ZAN: variants seen among roughly 807,000 people sequenced by gnomAD.
ZAN encodes zonadhesin.
ZAN carries 260 observed loss-of-function variants against 286.2 expected under a neutral mutation model. That is an observed-to-expected ratio of 0.91 (90% confidence interval 0.82 to 1.01). ZAN has a LOEUF of 1.01. Ranked by LOEUF, ZAN falls within the 50% of genes least tolerant of loss-of-function variation. The probability of loss-of-function intolerance (pLI) is 0.00; values close to 1 mark genes in which losing one functional copy is unlikely to be tolerated. For synonymous variants in ZAN, 1,368 were observed against 1,417.5 expected (o/e 0.97, Z 0.79); for missense variants, 3,410 against 3,639.2 (o/e 0.94, Z 1.62).
At chr7:100,783,330 C>G (rs1460395218) in intron 35 of ZAN, among the ~76,000 whole-genome samples, 1 of 152,022 alleles carries the variant, frequency 6.6e-6, no homozygotes, top group Admixed American at 6.6e-5. Flanking sequence ...GAGGGCCATT[C>G]ACTACTGATG....
intron 15 of ZAN, among the ~76,000 whole-genome samples, chr7:100,755,614 C>T (rs1809094941): frequency 6.6e-6 from 1 of 152,158 alleles, no homozygotes; most frequent in Non-Finnish European, 1.5e-5. Context: ...CTTTGTCGCT[C>T]AGGCTGGAGA....
Position 100,751,702 on chromosome 7 carries a change from T to C in ZAN, c.1607-10T>C. 6.4e-7 allele frequency: 1 copy of C among 1,569,008 alleles called. No homozygotes were observed. The highest frequency in any genetic ancestry group is 8.6e-7 in the Non-Finnish European group (1 of 1,164,666). ...GACTAAACTCCAGGGATTCTTATTT[T>C]TCTTTGCAGTAAAAGTGCTACCAGA... is the stretch of plus-strand genomic sequence containing the variant. On this transcript the variant is annotated splice_polypyrimidine_tract_variant and intron_variant, in intron 13 of 47. Coordinates refer to ENST00000613979, the MANE Select transcript of ZAN (RefSeq NM_003386.3).
intron 19 of ZAN, among the ~76,000 whole-genome samples, chr7:100,760,847 G>A (rs928922591): frequency 7.2e-5 from 11 of 152,158 alleles, no homozygotes; most frequent in Admixed American, 3.3e-4. Context: ...TCCCATTCTC[G>A]AAGGAAGAGT....
At chr7:100,787,516 T>A (rs1422520457) in intron 37 of ZAN, among the ~76,000 whole-genome samples, 1 of 152,148 alleles carries the variant, frequency 6.6e-6, no homozygotes, top group East Asian at 1.9e-4. Context: ...GGAGGGACTC[T>A]GGGGACTGTC....
At chr7:100,789,401 G>A in intron 39 of ZAN, 54 bp downstream of exon 39, 3 of 1,598,670 alleles carry the variant, frequency 1.9e-6, no homozygotes, top group Non-Finnish European at 2.6e-6. Flanking sequence ...GAAGTGGGAG[G>A]GAAAATCCTA....
Position 100,775,319 on chromosome 7 carries a change from T to A in ZAN, c.5780-9T>A. ...GCGTCATAGCCCAGCTGTCTCTCTG[T>A]CCTCCCAGGTGTGGGAGTGTGTCAG... On this transcript the variant is annotated splice_polypyrimidine_tract_variant and intron_variant, in intron 31 of 47. Transcript: ENST00000613979. The A allele has an allele frequency of 6.2e-7, 1 of 1,611,966 alleles. No individual in the cohort carries two copies. Among genetic ancestry groups the A allele is most frequent in the South Asian group, 1.1e-5 (1 of 90,666 alleles).
At position 100,779,705 on chromosome 7, in the gene ZAN, A is replaced by T. The variant is rs534243261; in HGVS notation, c.6577A>T (p.Ser2193Cys). The T allele has an allele frequency of 3.2e-6, 5 of 1,558,614 alleles. No individual in the cohort carries two copies. In the South Asian group the frequency reaches 5.9e-5, roughly 18 times the overall value. ...GCAAGCCTTCGGGGCCACCTGCCAG[A>T]GCCAGGGGCTCAAGCCCCCACTCTG... is the stretch of plus-strand genomic sequence containing the variant. ...ALQAFGATCQ[S>C]QGLKPPLWRN... Residue 2193 changes from serine (S) to cysteine (C), a missense_variant, in exon 35 of 48, where the codon AGC (serine) becomes TGC (cysteine). This residue lies in a region of ZAN where 1,289 missense variants were observed against 1,314.3 expected (regional missense o/e 0.98). Transcript: ENST00000613979.
At position 100,764,052 on chromosome 7, in the gene ZAN, G is replaced by T. The variant is rs2293767; in HGVS notation, c.4123G>T (p.Ala1375Ser). The T allele has an allele frequency of 1.2e-5, 20 of 1,613,550 alleles. No individual in the cohort carries two copies. The highest frequency in any genetic ancestry group is 1.6e-5 in the Non-Finnish European group (19 of 1,179,764). ...GACATGCCTGCTGCACGTGAAGGCC[G>T]CTTCCTTCTTCGACAGCTGCATGCT... Reference protein sequence around the residue: ...FETCLLHVKAASFFDSCMLDM... With the variant: ...FETCLLHVKASSFFDSCMLDM... The change falls in exon 22 of 48, where the codon GCT (alanine) becomes TCT (serine). Residue 1375 changes from alanine to serine, a missense_variant. Ala to Ser is a moderately conservative substitution (Grantham distance 99). Around this residue, in one of 7 missense-constraint regions of ZAN, gnomAD observed 1,042 missense variants for 1,058.0 expected, o/e 0.98. Coordinates refer to ENST00000613979, the MANE Select transcript of ZAN (RefSeq NM_003386.3).
intron 30 of ZAN, 94 bp downstream of exon 30, chr7:100,773,587 C>T (rs1295678974): frequency 1.3e-6 from 2 of 1,551,504 alleles, no homozygotes; most frequent in East Asian, 2.3e-5. Flanking sequence ...GGCTCAGAAC[C>T]TGGGAGGGGC....
At chr7:100,771,632 A>G (rs1004034287) in intron 28 of ZAN, among the ~76,000 whole-genome samples, 2 of 152,062 alleles carry the variant, frequency 1.3e-5, no homozygotes, top group African/African-American at 4.8e-5. Flanking sequence ...GGGTTTCACC[A>G]TGATGGTCAG....
Position 100,735,775 on chromosome 7 carries a change from G to T in ZAN, c.106+3G>T. 2.0e-6 allele frequency: 3 copies of T among 1,496,178 alleles called. No homozygotes were observed. The highest frequency in any genetic ancestry group is 1.2e-5 in the South Asian group (1 of 86,266). The allele number at this position is 1,496,178 out of a possible 1,614,324, so 92.7% of individuals were successfully genotyped here. A position where few individuals can be genotyped will look rare whatever the true frequency, so the allele number is the denominator to read the frequency against. ...TGTTCGCAGCTCTAGGGACAACTGT[G>T]AGTTGGAAACCAGGAGTGCTAAGAT... On this transcript the variant is annotated splice_donor_region_variant and intron_variant, in intron 3 of 47. Transcript: ENST00000613979.
At chr7:100,775,204 C>A in intron 31 of ZAN, 124 bp from the exon 32 acceptor site, 1 of 1,411,448 alleles carries the variant, frequency 7.1e-7, no homozygotes, top group Non-Finnish European at 9.4e-7. Context: ...TGAGCCACTG[C>A]GCACAGCCGG....
rs1812095391 is a variant in ZAN, at chr7:100,792,993, A to AG, written c.7787+514_7787+515insG. Among the ~76,000 whole-genome samples, 8 of 145,784 alleles carry AG rather than the reference A, an allele frequency of 5.5e-5. No homozygotes were observed. The East Asian group carries it at 7.8e-4, about 14-fold the overall frequency. ...GCAACATCCTATCTCAAAAAAAAAA[A>AG]AAAAGAAAGAAAGAAAGAAAGAACG... On this transcript the variant is annotated intron_variant, in intron 42 of 47. Transcript: ENST00000613979.
At chr7:100,758,447 C>G in intron 16 of ZAN, 84 bp from the exon 17 acceptor site, 4 of 1,566,482 alleles carry the variant, frequency 2.6e-6, no homozygotes, top group Non-Finnish European at 3.5e-6. Context: ...GGGCCTGCCA[C>G]CGGGCAGCGG....
chr7:100,792,221 C>T (rs574123894), intron 41 of ZAN, 73 bp downstream of exon 41: 37 of 1,503,718 alleles, frequency 2.5e-5, no homozygotes, highest in South Asian at 9.4e-5. Context: ...GCCTCCTGCC[C>T]GCTTCCTGAC....
intron 35 of ZAN, among the ~76,000 whole-genome samples, chr7:100,780,963 A>G (rs1018614862): frequency 2.6e-5 from 4 of 152,030 alleles, no homozygotes; most frequent in African/African-American, 9.7e-5. Context: ...CAAGAAAACT[A>G]TATGCTCTGT....
At chr7:100,796,244 A>T (rs1812355423) in intron 45 of ZAN, among the ~76,000 whole-genome samples, 1 of 151,852 alleles carries the variant, frequency 6.6e-6, no homozygotes, top group Non-Finnish European at 1.5e-5. Context: ...GTGCCTCTCC[A>T]GCACCTTCCA....
chr7:100,785,446 G>C (rs1295803917), intron 36 of ZAN, among the ~76,000 whole-genome samples: 1 of 151,956 alleles, frequency 6.6e-6, no homozygotes, highest in African/African-American at 2.4e-5. Context: ...GGCCAGGCTG[G>C]TCTCGAACTC....
At chr7:100,770,519 A>AAG (rs1461264446) in intron 28 of ZAN, among the ~76,000 whole-genome samples, 1 of 150,732 alleles carries the variant, frequency 6.6e-6, no homozygotes, top group East Asian at 2.0e-4. Flanking sequence ...AAAAAAAAAA[A>AAG]AAGTTTAATA....
Sources: gnomAD v4.1 joint callset for allele counts (sites outside exome capture counted in the v4.1 genomes callset) on GRCh38, gnomAD v4.1.1 for gene constraint, gnomAD v4.1.1 regional missense constraint, MANE v1.5 for transcripts, NCBI Gene and HGNC (gene_info 2026-07-23, HGNC 2026-07-21) for gene names.